Variants in TULP3 observed in about 807,000 individuals in gnomAD.
The protein encoded by TULP3 is tubby-related protein 3.
In TULP3, 38 loss-of-function variants were observed where a neutral mutation model predicts 50.7. The ratio of observed to expected loss-of-function variants is 0.75; its 90% CI spans 0.58 to 0.98. The LOEUF (loss-of-function observed/expected upper bound fraction) is 0.98. Ranked by LOEUF, TULP3 falls within the 50% of genes least tolerant of loss-of-function variation. The pLI is 0.00. For missense variants in TULP3, 550 were observed against 568.0 expected, an observed-to-expected ratio of 0.97 and a Z score of 0.32; for synonymous variants, 183 against 196.6, an observed-to-expected ratio of 0.93 and a Z score of 0.58.
intron 8 of TULP3, among the ~76,000 whole-genome samples, chr12:2,936,437 T>A (rs142703709): frequency 6.6e-6 from 1 of 151,296 alleles, no homozygotes; most frequent in African/African-American, 2.4e-5. Context: ...TTCACAGTTA[T>A]CTCAAATCAC....
chr12:2,894,552 C>G (rs2098174316), intron 1 of TULP3, among the ~76,000 whole-genome samples: 1 of 151,262 alleles, frequency 6.6e-6, no homozygotes, highest in Admixed American at 6.6e-5. Flanking sequence ...CACACACACA[C>G]ACACACACAC....
chr12:2,911,744 G>GTT (rs926148454), intron 2 of TULP3, among the ~76,000 whole-genome samples: 3 of 127,698 alleles, frequency 2.3e-5, no homozygotes, highest in Non-Finnish European at 4.8e-5. Context: ...TTTTATAGGA[G>GTT]TTTTTTTTAC....
At chr12:2,894,450 G>A (rs1385433466) in intron 1 of TULP3, among the ~76,000 whole-genome samples, 2 of 151,892 alleles carry the variant, frequency 1.3e-5, no homozygotes, top group Non-Finnish European at 2.9e-5. Context: ...CAGGAGAATC[G>A]CTTGAACCAG....
chr12:2,934,466 A>C lies in TULP3; in HGVS notation c.829A>C (p.Lys277Gln). 2 of 1,593,316 alleles carry C rather than the reference A, an allele frequency of 1.3e-6. No individual in the cohort carries two copies. Among genetic ancestry groups the C allele is most frequent in the Non-Finnish European group, 1.7e-6 (2 of 1,170,840 alleles). The stretch of plus-strand genomic sequence containing the variant: ...CTCCAGATCCAACCTCATGGGGACC[A>C]AGTTTACAGTTTATGACCGTGGCAT... ...GKLRSNLMGT[K>Q]FTVYDRGICP... is the part of the protein sequence containing the mutation. Residue 277 changes from lysine to glutamine, a missense_variant, in exon 8 of 11, where the codon AAG (lysine) becomes CAG (glutamine). Lys to Gln is a moderately conservative substitution (Grantham distance 53). Coordinates refer to ENST00000448120, the MANE Select transcript of TULP3 (RefSeq NM_003324.5).
chr12:2,903,128 C>G (rs1565497766), intron 1 of TULP3, among the ~76,000 whole-genome samples: 1 of 151,818 alleles, frequency 6.6e-6, no homozygotes, highest in Admixed American at 6.6e-5. Flanking sequence ...TCCCAAAGTT[C>G]TGGAATTACA....
intron 2 of TULP3, among the ~76,000 whole-genome samples, chr12:2,914,731 C>G (rs1215936163): frequency 7.3e-5 from 11 of 151,536 alleles, no homozygotes; most frequent in Non-Finnish European, 4.4e-5. Flanking sequence ...CTCCCAGATT[C>G]ACGTGATTTT....
chr12:2,895,121 CTTTT>C (rs778741493), intron 1 of TULP3, among the ~76,000 whole-genome samples: 11 of 152,088 alleles, frequency 7.2e-5, no homozygotes, highest in Non-Finnish European at 1.3e-4. Context: ...CAAAAGAATG[CTTTT>C]TGCTTTTGCT....
rs2098204288 is a variant in TULP3 at position 2,940,694 on chromosome 12, G to C, written c.*1250G>C. On this transcript the variant is annotated 3_prime_UTR_variant, in exon 11 of 11. Coordinates refer to ENST00000448120, the MANE Select transcript of TULP3 (RefSeq NM_003324.5). Reference sequence around the variant, plus strand: ...GTGGACTGACCTCTCACCTCCGCCTGTTGTTCCTGCACCACATCAGATAAG... The same window carrying C: ...GTGGACTGACCTCTCACCTCCGCCTCTTGTTCCTGCACCACATCAGATAAG... The C allele has an allele frequency of 6.4e-7, 1 of 1,551,406 alleles. No homozygotes were observed. The highest frequency in any genetic ancestry group is 8.7e-7 in the Non-Finnish European group (1 of 1,146,910).
chr12:2,930,718 C>T (rs899956490), intron 5 of TULP3, among the ~76,000 whole-genome samples: 9 of 152,106 alleles, frequency 5.9e-5, no homozygotes, highest in African/African-American at 1.9e-4. Flanking sequence ...CCACCGTGCC[C>T]AGCCCTCAAA....
intron 3 of TULP3, among the ~76,000 whole-genome samples, chr12:2,921,630 G>A (rs2098191816): frequency 6.6e-6 from 1 of 152,170 alleles, no homozygotes; most frequent in Non-Finnish European, 1.5e-5. Context: ...GATTGTAAGT[G>A]CCTCTAAATC....
rs752192533 is a variant in TULP3, at chr12:2,920,937, A to G, written c.253+15A>G. 1 of 1,613,434 alleles carries G rather than the reference A, an allele frequency of 6.2e-7. No individual in the cohort carries two copies. The highest frequency in any genetic ancestry group is 8.5e-7 in the Non-Finnish European group (1 of 1,179,502). ...CATCTTACATGGTGTGTATTTAGGC[A>G]GCATCACTTCCTAGTGGGGTACAAT... On this transcript the variant is annotated intron_variant, in intron 3 of 10. Transcript: ENST00000448120.
rs564887152 is a variant in TULP3, at chr12:2,917,673, C to G, written c.94-3090C>G. Among the ~76,000 whole-genome samples the G allele has an allele frequency of 9.2e-5, 14 of 151,902 alleles. No homozygotes were observed. In the East Asian group the frequency reaches 9.7e-4, roughly 11 times the overall value. ...CGGGCGGATCATGAGGTCAGGAGAT[C>G]GAGACCATCCTGGCCAACACGGTGA... On this transcript the variant is annotated intron_variant, in intron 2 of 10. Transcript: ENST00000448120.
intron 1 of TULP3, among the ~76,000 whole-genome samples, chr12:2,901,312 CTTT>C (rs371069831): frequency 0.014 from 1,482 of 104,110 alleles, 45 homozygotes; most frequent in African/African-American, 0.054. Context: ...TTCTTTCTTT[CTTT>C]TTTTTTTTTT....
chr12:2,898,472 CT>C (rs1406463867), intron 1 of TULP3, among the ~76,000 whole-genome samples: 1 of 152,108 alleles, frequency 6.6e-6, no homozygotes, highest in Non-Finnish European at 1.5e-5. Flanking sequence ...GCCAGTAGTC[CT>C]TTTCTGCGAA....
intron 2 of TULP3, among the ~76,000 whole-genome samples, chr12:2,915,201 G>A (rs1297426520): frequency 6.6e-6 from 1 of 151,916 alleles, no homozygotes. Context: ...TGTTTGTCAG[G>A]CTGGTTTCAA....
At position 2,890,902 on chromosome 12, in the gene TULP3, G is replaced by A. The variant is rs985613009; in HGVS notation, c.-46G>A. ...GTGCCAGCCTAGCCACTCTAGCGAC[G>A]GCGGGGAAGAGTGTGTACGTGGTGG... On this transcript the variant is annotated 5_prime_UTR_variant, in exon 1 of 11. Transcript: ENST00000448120. 6 of 1,543,312 alleles carry A rather than the reference G, an allele frequency of 3.9e-6. No individual in the cohort carries two copies. The highest frequency in any genetic ancestry group is 5.2e-6 in the Non-Finnish European group (6 of 1,143,900).
intron 2 of TULP3, 135 bp downstream of exon 2, chr12:2,909,715 A>G: frequency 1.1e-6 from 1 of 927,946 alleles, no homozygotes; most frequent in Non-Finnish European, 1.7e-6. Flanking sequence ...TTACCTGTGA[A>G]GCAGTGTCTG....
rs111314833 is a variant in TULP3 at position 2,940,900 on chromosome 12, C to T, written c.*1456C>T. On this transcript the variant is annotated 3_prime_UTR_variant, in exon 11 of 11. Coordinates refer to ENST00000448120, the MANE Select transcript of TULP3 (RefSeq NM_003324.5). ...TCACCACCACCACCCCCCACCCCATCCTGAGGCACTGCCTGGCAGATAACC... is the reference window on the plus strand; with the variant it reads ...TCACCACCACCACCCCCCACCCCATTCTGAGGCACTGCCTGGCAGATAACC... 3.3e-6 allele frequency: 2 copies of T among 612,042 alleles called. No individual in the cohort carries two copies. Among genetic ancestry groups the T allele is most frequent in the African/African-American group, 3.7e-5 (2 of 53,704 alleles). 37.9% of individuals were successfully genotyped at this position (612,042 alleles called of 1,614,324 possible).
chr12:2,929,190 G>A (rs562656407), intron 4 of TULP3, among the ~76,000 whole-genome samples: 33 of 151,768 alleles, frequency 2.2e-4, no homozygotes, highest in Non-Finnish European at 1.0e-4. Context: ...GGTGGCGCGC[G>A]CCTGTAGTCC....
Sources: gnomAD v4.1 joint callset for allele counts (sites outside exome capture counted in the v4.1 genomes callset) on GRCh38, gnomAD v4.1.1 for gene constraint, MANE v1.5 for transcripts, NCBI Gene and HGNC (gene_info 2026-07-23, HGNC 2026-07-21) for gene names.